The following FRY variants were observed in gnomAD, a reference collection of about 807,000 sequenced individuals.
FRY encodes FRY microtubule binding protein.
FRY carries 128 observed loss-of-function variants against 348.4 expected under a neutral mutation model. That is an observed-to-expected ratio of 0.37 (90% CI 0.32 to 0.43). The LOEUF is 0.43. Ranked by LOEUF, FRY falls within the 20% of genes least tolerant of loss-of-function variation. The pLI is 1.00. For missense variants in FRY, 2,736 were observed against 3,695.2 expected, an observed-to-expected ratio of 0.74 and a Z score of 6.73; for synonymous variants, 1,370 against 1,374.7, an observed-to-expected ratio of 1.00 and a Z score of 0.08.
At chr13:32,074,503 C>A (rs1874892143) in intron 1 of FRY, among the ~76,000 whole-genome samples, 1 of 152,064 alleles carries the variant, frequency 6.6e-6, no homozygotes, top group Admixed American at 6.6e-5. Flanking sequence ...TTTTTAGAGA[C>A]ATTGAGCTGT....
rs1055517409 is a variant in FRY, at chr13:32,217,741, T to A, written c.4683-1008T>A. On this transcript the variant is annotated intron_variant, in intron 35 of 60. Coordinates refer to ENST00000542859, the MANE Select transcript of FRY (RefSeq NM_023037.3). ...CTTCGCCTCCCCTCAGTTTCCTCAT[T>A]GTAGAATAAATAATGCTTATCTCAA... Among the ~76,000 whole-genome samples the A allele has an allele frequency of 2.0e-5, 3 of 152,224 alleles. No individual in the cohort carries two copies. In the East Asian group the frequency reaches 5.8e-4, roughly 29 times the overall value.
intron 56 of FRY, among the ~76,000 whole-genome samples, chr13:32,275,626 C>T (rs1488680186): frequency 2.0e-5 from 3 of 152,226 alleles, no homozygotes; most frequent in African/African-American, 7.2e-5. Context: ...CTGGAGCTGA[C>T]CTAGCCGGTG....
intron 35 of FRY, among the ~76,000 whole-genome samples, chr13:32,215,497 G>A (rs1360643840): frequency 6.6e-6 from 1 of 152,056 alleles, no homozygotes; most frequent in African/African-American, 2.4e-5. Context: ...TATTTTACTA[G>A]GCATCAAAAT....
intron 3 of FRY, among the ~76,000 whole-genome samples, chr13:32,109,241 A>G (rs182274140): frequency 9.8e-5 from 15 of 152,326 alleles, no homozygotes; most frequent in African/African-American, 3.6e-4. Flanking sequence ...TCAATTAAAC[A>G]AACAATGAGT....
At chr13:32,044,694 G>C (rs1257014838) in intron 1 of FRY, among the ~76,000 whole-genome samples, 1 of 152,172 alleles carries the variant, frequency 6.6e-6, no homozygotes, top group Non-Finnish European at 1.5e-5. Flanking sequence ...GGCCTTCAGT[G>C]CAAGCTTCTG....
At chr13:32,079,654 A>G (rs1195348921) in intron 2 of FRY, among the ~76,000 whole-genome samples, 3 of 152,188 alleles carry the variant, frequency 2.0e-5, no homozygotes, top group Non-Finnish European at 4.4e-5. Flanking sequence ...GCTAGAAAAT[A>G]AGGCAGGCAT....
intron 3 of FRY, among the ~76,000 whole-genome samples, chr13:32,109,973 G>C (rs548167083): frequency 6.6e-6 from 1 of 152,288 alleles, no homozygotes; most frequent in East Asian, 1.9e-4. Flanking sequence ...CTAGGGCAGG[G>C]ATGGCCCATC....
At chr13:32,203,807 C>A (rs1884187509) in intron 31 of FRY, among the ~76,000 whole-genome samples, 2 of 152,168 alleles carry the variant, frequency 1.3e-5, no homozygotes, top group Non-Finnish European at 2.9e-5. Context: ...CTCTTGAATT[C>A]ATCCTGTTTT....
intron 1 of FRY, among the ~76,000 whole-genome samples, chr13:32,059,068 C>T (rs954143138): frequency 2.6e-5 from 4 of 152,196 alleles, no homozygotes; most frequent in Non-Finnish European, 4.4e-5. Context: ...AACCTAGGAT[C>T]AGAATCAAGG....
chr13:32,288,576 C>T (rs1889185537), intron 58 of FRY, among the ~76,000 whole-genome samples: 1 of 152,194 alleles, frequency 6.6e-6, no homozygotes, highest in African/African-American at 2.4e-5. Flanking sequence ...TGATTTCTCT[C>T]CTTAAACAGA....
intron 11 of FRY, among the ~76,000 whole-genome samples, chr13:32,145,830 C>A (rs1037130596): frequency 4.6e-5 from 7 of 152,154 alleles, no homozygotes; most frequent in Admixed American, 4.6e-4. Context: ...AGGCGTGAGC[C>A]ACCGCGCCCG....
intron 19 of FRY, among the ~76,000 whole-genome samples, chr13:32,175,010 C>T (rs1340320050): frequency 6.6e-6 from 1 of 152,078 alleles, no homozygotes; most frequent in South Asian, 2.1e-4. Flanking sequence ...GATACTCTCT[C>T]GTGCCCTTTC....
intron 2 of FRY, among the ~76,000 whole-genome samples, chr13:32,098,804 T>C (rs1876953383): frequency 6.6e-6 from 1 of 152,100 alleles, no homozygotes; most frequent in Non-Finnish European, 1.5e-5. Context: ...AAACATATAG[T>C]ATCTATTCAT....
chr13:32,095,984 T>TTTCCTTCCTTCCATCTTTC (rs1876678171), intron 2 of FRY, among the ~76,000 whole-genome samples: 1 of 151,908 alleles, frequency 6.6e-6, no homozygotes, highest in South Asian at 2.1e-4. Flanking sequence ...TTATTCCCTC[T>TTTCCTTCCTTCCATCTTTC]TTCCTTCCTT....
intron 39 of FRY, 75 bp from the exon 40 acceptor site, chr13:32,228,381 C>T (rs921758452): frequency 9.3e-7 from 1 of 1,081,032 alleles, no homozygotes; most frequent in African/African-American, 1.5e-5. Context: ...CCCTGCCCTC[C>T]TCTGTGGACC....
rs117023992 is a variant in FRY at position 32,103,605 on chromosome 13, A to G, written c.324+1589A>G. Reference sequence around the variant, plus strand: ...ACACCAACATGGCACATGTGTATGTATATATGTAACAAACCTGCACGTTGT... The same window carrying G: ...ACACCAACATGGCACATGTGTATGTGTATATGTAACAAACCTGCACGTTGT... On this transcript the variant is annotated intron_variant, in intron 3 of 60. Coordinates refer to ENST00000542859, the MANE Select transcript of FRY (RefSeq NM_023037.3). Among the ~76,000 whole-genome samples, 85 of 152,318 alleles carry G rather than the reference A, an allele frequency of 5.6e-4. No homozygotes were observed. The East Asian group carries it at 0.012, about 21-fold the overall frequency.
chr13:32,090,405 A>G (rs1460567067), intron 2 of FRY, among the ~76,000 whole-genome samples: 2 of 151,474 alleles, frequency 1.3e-5, no homozygotes, highest in South Asian at 2.1e-4. Flanking sequence ...TGTGTGGTCA[A>G]GGAAGGCACT....
intron 52 of FRY, 51 bp from the exon 53 acceptor site, chr13:32,262,263 T>G: frequency 6.8e-7 from 1 of 1,466,918 alleles, no homozygotes; most frequent in Non-Finnish European, 9.5e-7. Context: ...ATGGAGCTTT[T>G]AAAGAATGGG....
At chr13:32,294,899 C>T (rs552040763) in intron 60 of FRY, among the ~76,000 whole-genome samples, 1 of 152,250 alleles carries the variant, frequency 6.6e-6, no homozygotes, top group South Asian at 2.1e-4. Flanking sequence ...TTCATTGAAA[C>T]CAGAAGGCTA....
Sources: allele counts gnomAD v4.1 joint callset (sites outside exome capture counted in the v4.1 genomes callset), GRCh38; gene constraint gnomAD v4.1.1; transcripts MANE v1.5; gene names NCBI Gene and HGNC (gene_info 2026-07-23, HGNC 2026-07-21).